The following PRDM10 variants were observed in gnomAD, a reference collection of about 807,000 sequenced individuals.
The protein encoded by PRDM10 is PR domain zinc finger protein 10.
Under a neutral mutation model 133.1 loss-of-function variants are expected in PRDM10, and 65 were observed. The ratio of observed to expected loss-of-function variants is 0.49; its 90% confidence interval spans 0.40 to 0.60. The LOEUF is 0.60. Ranked by LOEUF, PRDM10 falls within the 20% of genes least tolerant of loss-of-function variation. PRDM10 has a pLI of 0.00. For synonymous variants in PRDM10, 582 were observed against 580.4 expected (o/e 1.00, Z -0.04); for missense variants, 1,137 against 1,507.1 (o/e 0.75, Z 4.07).
intron 10 of PRDM10, 50 bp from the exon 11 acceptor site, chr11:129,931,308 A>C (rs1950851042): frequency 6.4e-7 from 1 of 1,561,914 alleles, no homozygotes; most frequent in African/African-American, 1.4e-5. Context: ...AGGGACTGTC[A>C]GCTCAGATTT....
intron 19 of PRDM10, among the ~76,000 whole-genome samples, chr11:129,909,229 C>G (rs929633308): frequency 1.3e-5 from 2 of 151,616 alleles, no homozygotes. Context: ...GTGGGCGGAT[C>G]ACCTGAGGTC....
Position 129,923,687 on chromosome 11 carries a change from A to AGAGAGAGAGAGAGAGG in PRDM10, c.1879-285_1879-284insCCTCTCTCTCTCTCTC, listed in dbSNP as rs1565464200. Among the ~76,000 whole-genome samples, 109 of 145,298 alleles carry AGAGAGAGAGAGAGAGG rather than the reference A, an allele frequency of 7.5e-4. No individual in the cohort carries two copies. Among genetic ancestry groups the AGAGAGAGAGAGAGAGG allele is most frequent in the African/African-American group, 2.7e-3 (102 of 37,832 alleles). On this transcript the variant is annotated intron_variant, in intron 12 of 20. Coordinates refer to ENST00000360871, the MANE Select transcript of PRDM10 (RefSeq NM_199437.2). This position sits in a 1 kb window ranked among gnomAD's most constrained non-coding sequence, Gnocchi z 4.4. The stretch of plus-strand genomic sequence containing the variant: ...GAGAGAGAGAGAGAGAGAGAGAGAG[A>AGAGAGAGAGAGAGAGG]GAGAGAGTGCTTGCTTGGTCAAAGC...
intron 1 of PRDM10, among the ~76,000 whole-genome samples, chr11:129,998,304 T>C (rs1939165762): frequency 6.6e-6 from 1 of 152,030 alleles, no homozygotes; most frequent in African/African-American, 2.4e-5. Context: ...AGGGATCTGA[T>C]TTCTAGAAAT....
At chr11:129,931,397 T>A in intron 10 of PRDM10, 139 bp from the exon 11 acceptor site, 1 of 1,186,326 alleles carries the variant, frequency 8.4e-7, no homozygotes, top group Non-Finnish European at 1.2e-6. Flanking sequence ...GTTAATTAGG[T>A]AACTATGCAC....
In PRDM10 at chr11:129,957,908, C is replaced by T. The variant is rs774590304; in HGVS notation, c.72G>A (p.Val24=). ...CTGTTCCTGTGTCCGGAACAAAGTG[C>T]ACCTGGCATAAACAGGAGACAAAGA... ...SAEHEQNAAQ[V]HFVPDTGTVA... Residue 24 remains valine, a splice_region_variant and synonymous_variant, in exon 3 of 21, where the codon GTG becomes GTA. Coordinates refer to ENST00000360871, the MANE Select transcript of PRDM10 (RefSeq NM_199437.2). 1 of 1,609,908 alleles carries T rather than the reference C, an allele frequency of 6.2e-7. No individual in the cohort carries two copies. Among genetic ancestry groups the T allele is most frequent in the South Asian group, 1.1e-5 (1 of 90,568 alleles).
In PRDM10 at chr11:129,923,341, C is replaced by T; in HGVS notation, c.1941G>A (p.Lys647=). ...EKIYQCTECD[K]AFCRPDKLRL... The stretch of plus-strand genomic sequence containing the variant: ...GCAGTTTATCGGGGCGACAGAAGGC[C>T]TTGTCACACTCTGTGCACTGGTAGA... Residue 647 remains lysine (K), a synonymous_variant, in exon 13 of 21, where the codon AAG becomes AAA. Coordinates refer to ENST00000360871, the MANE Select transcript of PRDM10 (RefSeq NM_199437.2). The surrounding 1 kb of genome is among the most constrained non-coding windows in gnomAD (Gnocchi z 4.4). 1.2e-6 allele frequency: 2 copies of T among 1,612,350 alleles called. No homozygotes were observed. The highest frequency in any genetic ancestry group is 1.7e-6 in the Non-Finnish European group (2 of 1,179,344).
chr11:129,930,648 C>CTATG (rs1950823718), intron 11 of PRDM10, among the ~76,000 whole-genome samples: 1 of 152,128 alleles, frequency 6.6e-6, no homozygotes, highest in Non-Finnish European at 1.5e-5. Context: ...AACTTGAGAG[C>CTATG]TATGATTAGG....
Position 129,923,244 on chromosome 11 carries a change from A to G in PRDM10, c.2034+4T>C, listed in dbSNP as rs1471523025. On this transcript the variant is annotated splice_donor_region_variant and intron_variant, in intron 13 of 20. Transcript: ENST00000360871. This position sits in a 1 kb window ranked among gnomAD's most constrained non-coding sequence, Gnocchi z 4.4. ...CCACCTTGGGCTGTGCCTTGGTGTC[A>G]TACCTTAAATTGCTTCCCACAGGTG... is the stretch of plus-strand genomic sequence containing the variant. The G allele has an allele frequency of 1.3e-6, 2 of 1,573,834 alleles. No individual in the cohort carries two copies. Among genetic ancestry groups the G allele is most frequent in the Non-Finnish European group, 1.7e-6 (2 of 1,158,282 alleles).
intron 1 of PRDM10, among the ~76,000 whole-genome samples, chr11:129,987,777 G>A (rs1360610719): frequency 1.3e-5 from 2 of 152,232 alleles, no homozygotes; most frequent in African/African-American, 4.8e-5. Flanking sequence ...GAGGCAGGCA[G>A]ATCACGAGGT....
chr11:129,927,654 T>C (rs369213629), intron 11 of PRDM10, among the ~76,000 whole-genome samples: 3 of 152,214 alleles, frequency 2.0e-5, no homozygotes, highest in African/African-American at 7.2e-5. Flanking sequence ...CTTGGCTCTA[T>C]TGACAAACTT....
chr11:129,984,560 A>C (rs1242075826), intron 1 of PRDM10, among the ~76,000 whole-genome samples: 1 of 151,950 alleles, frequency 6.6e-6, no homozygotes, highest in Non-Finnish European at 1.5e-5. Context: ...CCACTCCCTG[A>C]GACGGCACAT....
At chr11:129,904,207 A>C (rs1413472116) in intron 20 of PRDM10, among the ~76,000 whole-genome samples, 1 of 151,628 alleles carries the variant, frequency 6.6e-6, no homozygotes, top group African/African-American at 2.4e-5. Context: ...TGAGGCCACA[A>C]GACTAGTTAG....
At chr11:129,912,688 C>T (rs1591579741) in intron 17 of PRDM10, among the ~76,000 whole-genome samples, 1 of 144,960 alleles carries the variant, frequency 6.9e-6, no homozygotes, top group African/African-American at 2.6e-5. Flanking sequence ...GGAGGCGGAG[C>T]TTGCAGTGAG....
chr11:129,963,079 G>A (rs1951827310), intron 1 of PRDM10, among the ~76,000 whole-genome samples: 1 of 151,304 alleles, frequency 6.6e-6, no homozygotes, highest in Non-Finnish European at 1.5e-5. Context: ...AGTCTGGGAG[G>A]CGGAGGTTAC....
chr11:129,955,408 G>A, intron 4 of PRDM10, 104 bp downstream of exon 4: 1 of 1,100,558 alleles, frequency 9.1e-7, no homozygotes, highest in Non-Finnish European at 1.3e-6. Context: ...CTTAGTACAT[G>A]AGAAACAAAC....
chr11:130,000,288 C>T lies in PRDM10; in HGVS notation c.-119+2434G>A, dbSNP rs183365782. Among the ~76,000 whole-genome samples the T allele has an allele frequency of 1.6e-3, 251 of 152,288 alleles. 2 individuals are homozygous for T. The highest frequency in any genetic ancestry group is 3.1e-3 in the Non-Finnish European group (211 of 68,016). ...CGAACTCCTGACCTCAGGTGATCTG[C>T]CCGCCTCGCCTCCCAAAGTGCTGGG... On this transcript the variant is annotated intron_variant, in intron 1 of 20. Transcript: ENST00000360871.
At chr11:129,914,642 G>A (rs1163415599) in intron 17 of PRDM10, 62 bp downstream of exon 17, 4 of 1,592,160 alleles carry the variant, frequency 2.5e-6, no homozygotes, top group East Asian at 2.2e-5. Flanking sequence ...CCAGCTCTGA[G>A]AATGAGGTGC....
intron 11 of PRDM10, among the ~76,000 whole-genome samples, chr11:129,930,694 T>C (rs939549408): frequency 6.6e-6 from 1 of 152,172 alleles, no homozygotes; most frequent in Non-Finnish European, 1.5e-5. Context: ...AAATGATTAT[T>C]ATAACTAAAT....
chr11:129,986,164 G>C (rs1335035513), intron 1 of PRDM10, among the ~76,000 whole-genome samples: 3 of 151,812 alleles, frequency 2.0e-5, no homozygotes, highest in African/African-American at 7.3e-5. Flanking sequence ...CAACAAGAAT[G>C]GTTGGAAATC....
Sources: gnomAD v4.1 joint callset for allele counts (sites outside exome capture counted in the v4.1 genomes callset) on GRCh38, gnomAD v4.1.1 for gene constraint, Gnocchi (gnomAD v3.1) non-coding constraint, MANE v1.5 for transcripts, NCBI Gene and HGNC (gene_info 2026-07-23, HGNC 2026-07-21) for gene names.